VTI1A: variants seen among roughly 807,000 people sequenced by gnomAD.
The protein encoded by VTI1A is vesicle transport through interaction with t-SNAREs homolog 1A.
A neutral mutation model predicts 34.9 loss-of-function variants in VTI1A; 22 were observed. The observed-to-expected ratio is 0.63, with a 90% CI of 0.45 to 0.90. VTI1A has a LOEUF of 0.90. Among genes scored for constraint, VTI1A ranks in the 40% least tolerant of loss-of-function variants. The probability of loss-of-function intolerance (pLI) is 0.00; values close to 1 mark genes in which losing one functional copy is unlikely to be tolerated. For synonymous variants in VTI1A, 87 were observed against 97.3 expected, an observed-to-expected ratio of 0.89 and a Z score of 0.62; for missense variants, 268 against 275.6, an observed-to-expected ratio of 0.97 and a Z score of 0.20.
chr10:112,610,520 T>G (rs1208420299), intron 5 of VTI1A, among the ~76,000 whole-genome samples: 1 of 152,212 alleles, frequency 6.6e-6, no homozygotes, highest in East Asian at 1.9e-4. Flanking sequence ...TATGACCTAA[T>G]GAATAAAATA....
At chr10:112,830,836 TATATATA>T in the VTI1A span, among the ~76,000 whole-genome samples, 3 of 48,330 alleles carry the variant, frequency 6.2e-5, no homozygotes, top group Non-Finnish European at 1.3e-4. Flanking sequence ...TATATATATA[TATATATA>T]TATATATTTT....
At chr10:112,677,700 C>G (rs560863373) in intron 7 of VTI1A, 1 of 152,242 alleles carries the variant, frequency 6.6e-6, no homozygotes, top group African/African-American at 2.4e-5. Context: ...GCTAAAGCAG[C>G]CTTAGTCAAT....
At chr10:112,469,908 C>T (rs1848022245) in intron 3 of VTI1A, among the ~76,000 whole-genome samples, 1 of 152,226 alleles carries the variant, frequency 6.6e-6, no homozygotes, top group African/African-American at 2.4e-5. Flanking sequence ...AGTCCTAACT[C>T]CAGTGTCTGC....
At chr10:112,738,019 T>C (rs2133971413) in intron 7 of VTI1A, 1 of 480,332 alleles carries the variant, frequency 2.1e-6, no homozygotes, top group East Asian at 1.5e-4. Context: ...GTCTGGTTAA[T>C]GAAGTTTGGA....
chr10:112,676,313 G>C (rs1848024276), intron 7 of VTI1A, among the ~76,000 whole-genome samples: 1 of 151,832 alleles, frequency 6.6e-6, no homozygotes, highest in Non-Finnish European at 1.5e-5. Context: ...CACTGCTCTG[G>C]TGCGTTCTGA....
At chr10:112,821,666 C>G (rs1457024999), downstream of VTI1A, among the ~76,000 whole-genome samples, 1 of 152,320 alleles carries the variant, frequency 6.6e-6, no homozygotes, top group Non-Finnish European at 1.5e-5. Context: ...TCGCGTTACT[C>G]TCCCCTGTCT....
the VTI1A span, among the ~76,000 whole-genome samples, chr10:112,839,480 C>T: frequency 1.4e-5 from 2 of 145,708 alleles, 1 homozygote; most frequent in African/African-American, 5.2e-5. Context: ...GGGAGCAGCC[C>T]GGGAAGGTCT....
chr10:112,792,598 A>C (rs1454174302), intron 7 of VTI1A, among the ~76,000 whole-genome samples: 2 of 152,206 alleles, frequency 1.3e-5, no homozygotes, highest in Non-Finnish European at 2.9e-5. Flanking sequence ...TATGAAAATT[A>C]AAACATTTCC....
chr10:112,637,393 G>A (rs1297377503), intron 5 of VTI1A, among the ~76,000 whole-genome samples: 1 of 152,208 alleles, frequency 6.6e-6, no homozygotes, highest in Non-Finnish European at 1.5e-5. Context: ...ATAGGGCTGG[G>A]TGTGGTGGCT....
the VTI1A span, among the ~76,000 whole-genome samples, chr10:112,835,978 T>A: frequency 6.6e-6 from 1 of 152,180 alleles, no homozygotes; most frequent in Non-Finnish European, 1.5e-5. Flanking sequence ...TTCCCATTGA[T>A]CAAAAACAGC....
intron 3 of VTI1A, among the ~76,000 whole-genome samples, chr10:112,493,737 G>C (rs1176188662): frequency 6.6e-6 from 1 of 152,026 alleles, no homozygotes; most frequent in Non-Finnish European, 1.5e-5. Context: ...TGTTGTTTTT[G>C]CCCTTTATTG....
At chr10:112,799,454 G>A (rs1414851772) in intron 7 of VTI1A, among the ~76,000 whole-genome samples, 1 of 152,186 alleles carries the variant, frequency 6.6e-6, no homozygotes, top group Non-Finnish European at 1.5e-5. Context: ...GAAGGTCTCA[G>A]TCCCAGCAGC....
At chr10:112,831,866 A>C in the VTI1A span, 19 of 152,292 alleles carry the variant, frequency 1.2e-4, no homozygotes, top group African/African-American at 4.1e-4. Flanking sequence ...CCTTTTACTA[A>C]GATGGTTAAA....
chr10:112,484,378 T>C (rs985445924), intron 3 of VTI1A, among the ~76,000 whole-genome samples: 1 of 152,248 alleles, frequency 6.6e-6, no homozygotes, highest in Non-Finnish European at 1.5e-5. Flanking sequence ...TTTAGGACAA[T>C]CAGTATGCTT....
intron 7 of VTI1A, among the ~76,000 whole-genome samples, chr10:112,709,699 T>A (rs1849335179): frequency 7.0e-6 from 1 of 143,836 alleles, no homozygotes; most frequent in South Asian, 2.3e-4. Flanking sequence ...TTTTTTTTTT[T>A]TTTTTTTTTT....
intron 5 of VTI1A, among the ~76,000 whole-genome samples, chr10:112,627,253 A>G (rs112844983): frequency 1.5e-4 from 23 of 152,302 alleles, no homozygotes; most frequent in African/African-American, 5.5e-4. Context: ...GTTGAGAATG[A>G]CCACCTAAAG....
intron 5 of VTI1A, among the ~76,000 whole-genome samples, chr10:112,661,910 C>T (rs1847475410): frequency 6.6e-6 from 1 of 151,668 alleles, no homozygotes; most frequent in Non-Finnish European, 1.5e-5. Flanking sequence ...GTAGCTGGGA[C>T]TACAGCACCC....
intron 7 of VTI1A, among the ~76,000 whole-genome samples, chr10:112,758,591 C>T (rs993282579): frequency 1.8e-4 from 27 of 152,218 alleles, no homozygotes; most frequent in African/African-American, 5.1e-4. Context: ...GGCTGGCACT[C>T]GGTATTCAAG....
intron 7 of VTI1A, among the ~76,000 whole-genome samples, chr10:112,725,866 T>G (rs1273459544): frequency 6.6e-6 from 1 of 152,166 alleles, no homozygotes. Context: ...CATTACTCTT[T>G]GATCGGTGAG....
Sources: allele counts gnomAD v4.1 joint callset (sites outside exome capture counted in the v4.1 genomes callset), GRCh38; gene constraint gnomAD v4.1.1; transcripts MANE v1.5; gene names NCBI Gene and HGNC (gene_info 2026-07-23, HGNC 2026-07-21).